XIRP2: variants seen among roughly 807,000 people sequenced by gnomAD.
XIRP2 encodes the protein xin actin-binding repeat-containing protein 2.
Under a neutral mutation model 277.0 loss-of-function variants are expected in XIRP2, and 236 were observed. That is an observed-to-expected ratio of 0.85 (90% confidence interval 0.77 to 0.95). The LOEUF (loss-of-function observed/expected upper bound fraction) is 0.95, where lower values mean the gene tolerates loss of function less well. Ranked by LOEUF, XIRP2 falls within the 40% of genes least tolerant of loss-of-function variation. The pLI, the probability that XIRP2 is intolerant of heterozygous loss-of-function variation, is 0.00. For missense variants in XIRP2, 4,640 were observed against 4,157.5 expected, an observed-to-expected ratio of 1.12 and a Z score of -3.19; for synonymous variants, 1,490 against 1,416.5, an observed-to-expected ratio of 1.05 and a Z score of -1.17.
At chr2:167,125,342 C>T (rs1020764765) in intron 2 of XIRP2, among the ~76,000 whole-genome samples, 1 of 152,108 alleles carries the variant, frequency 6.6e-6, no homozygotes, top group African/African-American at 2.4e-5. Context: ...TATTTTACCT[C>T]TCATGCCATT....
intron 2 of XIRP2, among the ~76,000 whole-genome samples, chr2:166,983,933 CCTT>C (rs1164213654): frequency 2.6e-5 from 4 of 152,160 alleles, no homozygotes; most frequent in Admixed American, 2.6e-4. Flanking sequence ...TTGAAACTCT[CCTT>C]CTTTGCTAGT....
At chr2:167,036,920 T>G (rs1222035859) in intron 2 of XIRP2, among the ~76,000 whole-genome samples, 1 of 152,096 alleles carries the variant, frequency 6.6e-6, no homozygotes, top group Non-Finnish European at 1.5e-5. Flanking sequence ...CACTTTTGCT[T>G]CTTCTTCATT....
At chr2:167,195,047 C>T (rs773453400) in intron 3 of XIRP2, among the ~76,000 whole-genome samples, 3 of 151,964 alleles carry the variant, frequency 2.0e-5, no homozygotes, top group Admixed American at 1.3e-4. Flanking sequence ...CACTAAAAAC[C>T]GTTTAAGAGA....
At chr2:167,226,157 C>T (rs1469821512) in intron 5 of XIRP2, among the ~76,000 whole-genome samples, 3 of 152,130 alleles carry the variant, frequency 2.0e-5, no homozygotes, top group African/African-American at 4.8e-5. Flanking sequence ...GAAATGCAAA[C>T]GCAGATCCCA....
chr2:167,143,303 A>T (rs947988968), intron 3 of XIRP2, among the ~76,000 whole-genome samples: 1 of 152,174 alleles, frequency 6.6e-6, no homozygotes, highest in Non-Finnish European at 1.5e-5. Flanking sequence ...ACAGTAAAAG[A>T]TACAGGAAGC....
At chr2:167,056,989 T>C (rs1689051817) in intron 2 of XIRP2, among the ~76,000 whole-genome samples, 1 of 152,166 alleles carries the variant, frequency 6.6e-6, no homozygotes, top group South Asian at 2.1e-4. Flanking sequence ...TTAACTTTTC[T>C]TTCTGTTTCC....
intron 3 of XIRP2, among the ~76,000 whole-genome samples, chr2:167,201,285 G>C (rs1303439924): frequency 6.6e-6 from 1 of 150,900 alleles, no homozygotes; most frequent in Non-Finnish European, 1.5e-5. Context: ...AGGAAAGAAG[G>C]AAGGAGGGAG....
chr2:167,062,441 T>G (rs1689193469), intron 2 of XIRP2, among the ~76,000 whole-genome samples: 1 of 152,184 alleles, frequency 6.6e-6, no homozygotes, highest in African/African-American at 2.4e-5. Context: ...AAGTTTTGTT[T>G]GTTTCCTCTG....
chr2:167,149,261 A>C (rs921275458), intron 3 of XIRP2, among the ~76,000 whole-genome samples: 1 of 152,192 alleles, frequency 6.6e-6, no homozygotes, highest in Non-Finnish European at 1.5e-5. Context: ...TTCACTATGC[A>C]GATAGCGGAA....
At chr2:166,889,026 C>A (rs1203356648) in intron 1 of XIRP2, among the ~76,000 whole-genome samples, 4 of 150,990 alleles carry the variant, frequency 2.6e-5, no homozygotes, top group African/African-American at 9.9e-5. Context: ...AAAGCCATGA[C>A]CCTCAGGGAC....
chr2:167,130,535 G>A (rs1691342890), intron 2 of XIRP2, among the ~76,000 whole-genome samples: 1 of 152,038 alleles, frequency 6.6e-6, no homozygotes. Context: ...AAACATCTCA[G>A]TGGCCCCAGT....
At chr2:167,117,565 C>CA (rs1470881064) in intron 2 of XIRP2, among the ~76,000 whole-genome samples, 1 of 152,144 alleles carries the variant, frequency 6.6e-6, no homozygotes, top group East Asian at 1.9e-4. Flanking sequence ...TCAGCTTCTC[C>CA]AAAAAATCTC....
intron 6 of XIRP2, 76 bp from the exon 7 acceptor site, chr2:167,240,588 T>G: frequency 7.9e-7 from 1 of 1,259,634 alleles, no homozygotes; most frequent in Non-Finnish European, 1.2e-6. Flanking sequence ...CACTGTAAAA[T>G]GAAGAGTATT....
At chr2:167,015,000 C>T (rs1259954992) in intron 2 of XIRP2, among the ~76,000 whole-genome samples, 2 of 151,694 alleles carry the variant, frequency 1.3e-5, no homozygotes, top group African/African-American at 4.8e-5. Flanking sequence ...TACACATCCA[C>T]GAGTCTCCTT....
At chr2:167,163,988 T>A (rs1444655793) in intron 3 of XIRP2, among the ~76,000 whole-genome samples, 1 of 152,226 alleles carries the variant, frequency 6.6e-6, no homozygotes, top group East Asian at 1.9e-4. Context: ...TGACCTATGT[T>A]TTATTCTTTC....
At chr2:167,039,928 C>T (rs1688618114) in intron 2 of XIRP2, among the ~76,000 whole-genome samples, 1 of 152,042 alleles carries the variant, frequency 6.6e-6, no homozygotes, top group South Asian at 2.1e-4. Flanking sequence ...GCCAAAAAAT[C>T]AATATACATA....
chr2:166,905,799 G>A (rs924919186), intron 2 of XIRP2, among the ~76,000 whole-genome samples: 19 of 151,490 alleles, frequency 1.3e-4, no homozygotes, highest in Non-Finnish European at 7.4e-5. Flanking sequence ...AGCTCAATGA[G>A]GAATTAACTT....
At chr2:166,909,241 T>C (rs1468143530) in intron 2 of XIRP2, among the ~76,000 whole-genome samples, 4 of 152,328 alleles carry the variant, frequency 2.6e-5, no homozygotes, top group African/African-American at 7.2e-5. Flanking sequence ...ATTCTTCCTA[T>C]CCACGAGCAT....
intron 2 of XIRP2, among the ~76,000 whole-genome samples, chr2:166,917,776 G>C (rs1684928994): frequency 1.3e-5 from 2 of 152,110 alleles, no homozygotes; most frequent in African/African-American, 4.8e-5. Context: ...TAAGAATATT[G>C]ATACTAGCTC....
Sources: allele counts gnomAD v4.1 joint callset (sites outside exome capture counted in the v4.1 genomes callset), GRCh38; gene constraint gnomAD v4.1.1; transcripts MANE v1.5; gene names NCBI Gene and HGNC (gene_info 2026-07-23, HGNC 2026-07-21).